The following GALNT18 variants were observed in gnomAD, a reference collection of about 807,000 sequenced individuals.
GALNT18 encodes GalNAc-transferase 18.
In GALNT18, 44 loss-of-function variants were observed where a neutral mutation model predicts 69.5. The observed-to-expected ratio is 0.63, with a 90% CI of 0.50 to 0.81. GALNT18 has a LOEUF of 0.81. GALNT18 is among the 40% of genes least tolerant of loss of function. GALNT18 has a pLI of 0.00. For synonymous variants in GALNT18, 364 were observed against 318.2 expected, an observed-to-expected ratio of 1.14 and a Z score of -1.53; for missense variants, 715 against 810.0, an observed-to-expected ratio of 0.88 and a Z score of 1.42.
At chr11:11,487,772 G>C (rs964615313) in intron 1 of GALNT18, among the ~76,000 whole-genome samples, 4 of 152,200 alleles carry the variant, frequency 2.6e-5, no homozygotes, top group Non-Finnish European at 5.9e-5. Context: ...AGTCCACACA[G>C]CACCTCCTGC....
rs4910381 is a variant in GALNT18, at chr11:11,540,005, C to G, written c.235+81354G>C. Among the ~76,000 whole-genome samples the G allele has an allele frequency of 0.86, 131,552 of 152,232 alleles. 57,014 individuals carry two copies. The highest frequency in any genetic ancestry group is 0.88 in the Non-Finnish European group (59,650 of 68,024). On this transcript the variant is annotated intron_variant, in intron 1 of 10. Coordinates refer to ENST00000227756, the MANE Select transcript of GALNT18 (RefSeq NM_198516.3). The surrounding 1 kb of genome is among the most constrained non-coding windows in gnomAD (Gnocchi z 4.6). ...AGTACCAATGGGAAATGAGGGGAGA[C>G]GGAGCTGCACAGGGGACCCCGATGC...
rs989022041 is a variant in GALNT18 at position 11,543,769 on chromosome 11, A to C, written c.235+77590T>G. On this transcript the variant is annotated intron_variant, in intron 1 of 10. Coordinates refer to ENST00000227756, the MANE Select transcript of GALNT18 (RefSeq NM_198516.3). The surrounding 1 kb of genome is among the most constrained non-coding windows in gnomAD (Gnocchi z 5.1). ...GACTCCTACATCCCATGGCTCTGTGATGTGACTGGGGCCCCGAATGTGCCA... is the reference window on the plus strand; with the variant it reads ...GACTCCTACATCCCATGGCTCTGTGCTGTGACTGGGGCCCCGAATGTGCCA... Among the ~76,000 whole-genome samples, 2 of 152,174 alleles carry C rather than the reference A, an allele frequency of 1.3e-5. No individual in the cohort carries two copies. Among genetic ancestry groups the C allele is most frequent in the Non-Finnish European group, 2.9e-5 (2 of 68,032 alleles).
chr11:11,610,543 G>A (rs889872592), intron 1 of GALNT18, among the ~76,000 whole-genome samples: 1 of 151,700 alleles, frequency 6.6e-6, no homozygotes, highest in African/African-American at 2.4e-5. Flanking sequence ...TTCCTCACTG[G>A]TTTTTTTTCC....
At position 11,338,030 on chromosome 11, in the gene GALNT18, C is replaced by T. The variant is rs960578462; in HGVS notation, c.1278+2789G>A. ...CCAGGCTGGAGTGAGTGCAGTGGCA[C>T]GATCTCAGCTCACTGGGACCTCCGC... On this transcript the variant is annotated intron_variant, in intron 7 of 10. Coordinates refer to ENST00000227756, the MANE Select transcript of GALNT18 (RefSeq NM_198516.3). This position sits in a 1 kb window ranked among gnomAD's most constrained non-coding sequence, Gnocchi z 5.3. Among the ~76,000 whole-genome samples, 12 of 148,744 alleles carry T rather than the reference C, an allele frequency of 8.1e-5. No homozygotes were observed. The South Asian group carries it at 1.1e-3, about 13-fold the overall frequency.
chr11:11,298,992 A>C (rs978685290), intron 9 of GALNT18, among the ~76,000 whole-genome samples: 9 of 152,044 alleles, frequency 5.9e-5, no homozygotes, highest in Non-Finnish European at 1.5e-5. Context: ...GCATTCTTTG[A>C]TATGGCCAAT....
rs139643305 is a variant in GALNT18 at position 11,309,390 on chromosome 11, T to C, written c.1513-16197A>G. ...TCCCAATGCCTGCTCATCAACCTAA[T>C]TGAGGCCTTTGGAATAATAATTTTC... On this transcript the variant is annotated intron_variant, in intron 9 of 10. Coordinates refer to ENST00000227756, the MANE Select transcript of GALNT18 (RefSeq NM_198516.3). The surrounding 1 kb of genome is among the most constrained non-coding windows in gnomAD (Gnocchi z 4.6). Among the ~76,000 whole-genome samples the C allele has an allele frequency of 3.3e-5, 5 of 152,302 alleles. No individual in the cohort carries two copies. In the East Asian group the frequency reaches 9.6e-4, roughly 29 times the overall value.
At chr11:11,346,243 A>T (rs1196471359) in intron 6 of GALNT18, among the ~76,000 whole-genome samples, 1 of 152,202 alleles carries the variant, frequency 6.6e-6, no homozygotes, top group Non-Finnish European at 1.5e-5. Context: ...TGGAAACAGG[A>T]TCGTGTCTGT....
At chr11:11,525,780 G>A (rs761746686) in intron 1 of GALNT18, among the ~76,000 whole-genome samples, 42 of 151,742 alleles carry the variant, frequency 2.8e-4, no homozygotes, top group East Asian at 3.9e-4. Flanking sequence ...GATTACAGGC[G>A]CCCGCCACCA....
At chr11:11,361,977 G>A (rs1248825346) in intron 6 of GALNT18, among the ~76,000 whole-genome samples, 1 of 152,094 alleles carries the variant, frequency 6.6e-6, no homozygotes, top group Non-Finnish European at 1.5e-5. Context: ...TACATAAATA[G>A]ACCAACAGAT....
chr11:11,492,558 T>C (rs997806839), intron 1 of GALNT18, among the ~76,000 whole-genome samples: 12 of 152,180 alleles, frequency 7.9e-5, no homozygotes, highest in Non-Finnish European at 8.8e-5. Context: ...CATGGAATAT[T>C]GTGCAGCCAT....
At chr11:11,365,496 C>T (rs1267123065) in intron 6 of GALNT18, among the ~76,000 whole-genome samples, 1 of 152,042 alleles carries the variant, frequency 6.6e-6, no homozygotes, top group African/African-American at 2.4e-5. Context: ...ATTTATATTC[C>T]TTTGGGTATA....
chr11:11,292,951 C>G (rs113081593), intron 10 of GALNT18, 78 bp downstream of exon 10: 1 of 1,283,204 alleles, frequency 7.8e-7, no homozygotes, highest in African/African-American at 1.5e-5. Flanking sequence ...CTCTCCTCCA[C>G]CACCTCCCTG....
chr11:11,538,663 T>C lies in GALNT18; in HGVS notation c.235+82696A>G, dbSNP rs1857839851. 6.6e-6 allele frequency among the ~76,000 whole-genome samples: 1 copy of C among 152,108 alleles called. No homozygotes were observed. Among genetic ancestry groups the C allele is most frequent in the Non-Finnish European group, 1.5e-5 (1 of 68,010 alleles). ...ATAGTGAGTCCTCCCTTCCTAGAGG[T>C]GCCTCCCGGAGCTCTGGTTTCCCAG... On this transcript the variant is annotated intron_variant, in intron 1 of 10. Transcript: ENST00000227756. The surrounding 1 kb of genome is among the most constrained non-coding windows in gnomAD (Gnocchi z 5.2).
intron 9 of GALNT18, among the ~76,000 whole-genome samples, chr11:11,325,031 T>C (rs1849895177): frequency 6.6e-6 from 1 of 152,228 alleles, no homozygotes; most frequent in African/African-American, 2.4e-5. Flanking sequence ...AAAGAAGTCA[T>C]TATATGAAAA....
intron 6 of GALNT18, among the ~76,000 whole-genome samples, chr11:11,368,833 C>T (rs1235001311): frequency 6.6e-6 from 1 of 152,178 alleles, no homozygotes; most frequent in Non-Finnish European, 1.5e-5. Flanking sequence ...TCAGGTTTGC[C>T]TGTCCGCTGA....
intron 1 of GALNT18, among the ~76,000 whole-genome samples, chr11:11,559,505 G>T (rs1466939258): frequency 1.3e-5 from 2 of 152,170 alleles, no homozygotes; most frequent in Admixed American, 1.3e-4. Flanking sequence ...AGTGTTTAAG[G>T]CATGGAGAGG....
chr11:11,602,253 A>C lies in GALNT18; in HGVS notation c.235+19106T>G, dbSNP rs1389366605. On this transcript the variant is annotated intron_variant, in intron 1 of 10. Coordinates refer to ENST00000227756, the MANE Select transcript of GALNT18 (RefSeq NM_198516.3). This position sits in a 1 kb window ranked among gnomAD's most constrained non-coding sequence, Gnocchi z 4.7. ...CTTGAATTGTCTCTCCTGTTATGAA[A>C]CCTCCACCCTACATGTGAGCCAGGG... Among the ~76,000 whole-genome samples, 1 of 151,192 alleles carries C rather than the reference A, an allele frequency of 6.6e-6. No individual in the cohort carries two copies. Among genetic ancestry groups the C allele is most frequent in the Admixed American group, 6.6e-5 (1 of 15,168 alleles).
At chr11:11,499,955 T>C (rs1856941020) in intron 1 of GALNT18, among the ~76,000 whole-genome samples, 1 of 152,108 alleles carries the variant, frequency 6.6e-6, no homozygotes, top group Non-Finnish European at 1.5e-5. Context: ...CCAATGACCC[T>C]TAAATTCAAA....
In GALNT18 at chr11:11,494,664, AGT is replaced by A. The variant is rs1856836488; in HGVS notation, c.236-45730_236-45729del. Among the ~76,000 whole-genome samples the A allele has an allele frequency of 6.6e-6, 1 of 152,172 alleles. No individual in the cohort carries two copies. The highest frequency in any genetic ancestry group is 1.5e-5 in the Non-Finnish European group (1 of 68,016). Reference sequence around the variant, plus strand: ...ACAGCCTCAGCCTTTTTTGCTTTTAAGTGCAGAGGATTGGGGTGGATTTGACA... The same window carrying A: ...ACAGCCTCAGCCTTTTTTGCTTTTAAGCAGAGGATTGGGGTGGATTTGACA... On this transcript the variant is annotated intron_variant, in intron 1 of 10. Transcript: ENST00000227756. This position sits in a 1 kb window ranked among gnomAD's most constrained non-coding sequence, Gnocchi z 5.7.
Sources: allele counts gnomAD v4.1 joint callset (sites outside exome capture counted in the v4.1 genomes callset), GRCh38; gene constraint gnomAD v4.1.1; non-coding constraint Gnocchi (gnomAD v3.1); transcripts MANE v1.5; gene names NCBI Gene and HGNC (gene_info 2026-07-23, HGNC 2026-07-21).